MRPL22: variants seen among roughly 807,000 people sequenced by gnomAD.
MRPL22 encodes the protein mitochondrial ribosomal protein L22, also known as large ribosomal subunit protein uL22m.
MRPL22 carries 27 observed loss-of-function variants against 32.4 expected under a neutral mutation model. The observed-to-expected ratio is 0.83, with a 90% CI of 0.61 to 1.15. The LOEUF (loss-of-function observed/expected upper bound fraction) is 1.15, where lower values mean the gene tolerates loss of function less well. Among genes scored for constraint, MRPL22 ranks in the 50% most tolerant of loss-of-function variants. The pLI is 0.00. For synonymous variants in MRPL22, 86 were observed against 87.3 expected, an observed-to-expected ratio of 0.99 and a Z score of 0.08; for missense variants, 239 against 260.2, an observed-to-expected ratio of 0.92 and a Z score of 0.56.
At chr5:154,944,430 T>G (rs1764462050) in intron 2 of MRPL22, among the ~76,000 whole-genome samples, 1 of 152,196 alleles carries the variant, frequency 6.6e-6, no homozygotes, top group South Asian at 2.1e-4. Flanking sequence ...CCTCTTAAGC[T>G]TTCCTCAGTT....
In MRPL22 at chr5:154,956,445, C is replaced by T. The variant is rs1331135742; in HGVS notation, c.261+9C>T. 6.4e-7 allele frequency: 1 copy of T among 1,573,744 alleles called. No homozygotes were observed. Among genetic ancestry groups the T allele is most frequent in the Non-Finnish European group, 8.7e-7 (1 of 1,144,406 alleles). ...GGTATTTGGCAAAATTGGTAAGCTG[C>T]AATGACTATTACCATATAATTAATA... is the stretch of plus-strand genomic sequence containing the variant. On this transcript the variant is annotated intron_variant, in intron 4 of 6. Coordinates refer to ENST00000523037, the MANE Select transcript of MRPL22 (RefSeq NM_014180.4).
intron 2 of MRPL22, among the ~76,000 whole-genome samples, chr5:154,949,916 C>G (rs1764536644): frequency 6.6e-6 from 1 of 152,164 alleles, no homozygotes; most frequent in South Asian, 2.1e-4. Flanking sequence ...CCCCTTATTT[C>G]TCAACTCTGT....
chr5:154,943,767 G>A (rs904870330), intron 2 of MRPL22, among the ~76,000 whole-genome samples: 5 of 151,652 alleles, frequency 3.3e-5, no homozygotes, highest in Non-Finnish European at 7.4e-5. Context: ...CTCGATTCAA[G>A]CCATCTTCCC....
In MRPL22 at chr5:154,941,207, G is replaced by C. The variant is rs755372708; in HGVS notation, c.29-10G>C. ...GGAATCTGAGTTGACGGCTTGTGTT[G>C]ATGTTGCAGGTGCGTTATGGATACA... On this transcript the variant is annotated splice_polypyrimidine_tract_variant and intron_variant, in intron 1 of 6. Coordinates refer to ENST00000523037, the MANE Select transcript of MRPL22 (RefSeq NM_014180.4). 6.2e-7 allele frequency: 1 copy of C among 1,614,074 alleles called. No homozygotes were observed. The highest frequency in any genetic ancestry group is 1.7e-4 in the Middle Eastern group (1 of 5,978).
chr5:154,951,976 G>A (rs1236924290), intron 3 of MRPL22, among the ~76,000 whole-genome samples: 1 of 149,480 alleles, frequency 6.7e-6, no homozygotes, highest in African/African-American at 2.5e-5. Context: ...TCTGCCTCCC[G>A]GGTTCACGCC....
chr5:154,943,867 A>C (rs1369853556), intron 2 of MRPL22, among the ~76,000 whole-genome samples: 1 of 151,554 alleles, frequency 6.6e-6, no homozygotes. Flanking sequence ...GTCCTGTTAT[A>C]TTGCCCGGCT....
At chr5:154,941,747 A>G (rs1764419352) in intron 2 of MRPL22, among the ~76,000 whole-genome samples, 1 of 152,230 alleles carries the variant, frequency 6.6e-6, no homozygotes, top group Non-Finnish European at 1.5e-5. Flanking sequence ...CCCCAAACGT[A>G]AAATAACTTG....
intron 5 of MRPL22, 127 bp from the exon 6 acceptor site, chr5:154,959,853 C>CT: frequency 3.1e-6 from 2 of 653,088 alleles, no homozygotes; most frequent in Non-Finnish European, 5.2e-6. Flanking sequence ...TTGATATTGT[C>CT]TTTTTAAAAT....
chr5:154,947,057 A>G (rs1372756746), intron 2 of MRPL22, among the ~76,000 whole-genome samples: 1 of 152,198 alleles, frequency 6.6e-6, no homozygotes, highest in Non-Finnish European at 1.5e-5. Flanking sequence ...GTATTAAGTA[A>G]GTATTATTTT....
chr5:154,954,281 C>T (rs1764603442), intron 3 of MRPL22, among the ~76,000 whole-genome samples: 2 of 152,130 alleles, frequency 1.3e-5, no homozygotes, highest in African/African-American at 2.4e-5. Context: ...TGAGCCACAG[C>T]GCCTGGCCAG....
chr5:154,964,873 C>T (rs1336226930), intron 6 of MRPL22, among the ~76,000 whole-genome samples: 1 of 152,112 alleles, frequency 6.6e-6, no homozygotes, highest in Non-Finnish European at 1.5e-5. Flanking sequence ...GCAGCTATCA[C>T]ATTTGTAAAA....
At chr5:154,954,320 A>T (rs1324371895) in intron 3 of MRPL22, among the ~76,000 whole-genome samples, 1 of 152,202 alleles carries the variant, frequency 6.6e-6, no homozygotes. Flanking sequence ...CTTTTTCCTC[A>T]TTTGAATTAT....
At chr5:154,960,888 T>C (rs1170186397) in intron 6 of MRPL22, among the ~76,000 whole-genome samples, 1 of 152,200 alleles carries the variant, frequency 6.6e-6, no homozygotes, top group Non-Finnish European at 1.5e-5. Flanking sequence ...GAAGCAAAGT[T>C]TTCTCAATCT....
intron 2 of MRPL22, among the ~76,000 whole-genome samples, chr5:154,944,969 C>G (rs348752): frequency 0.17 from 25,856 of 152,158 alleles, 2,959 homozygotes; most frequent in African/African-American, 0.32. Flanking sequence ...GAGGAAGGGG[C>G]AGTCATAAAT....
chr5:154,942,764 A>G (rs1441524445), intron 2 of MRPL22, among the ~76,000 whole-genome samples: 1 of 152,186 alleles, frequency 6.6e-6, no homozygotes, highest in Non-Finnish European at 1.5e-5. Context: ...GCCCTTTACT[A>G]GCTTGTGTAT....
chr5:154,946,785 C>A (rs570944269), intron 2 of MRPL22, among the ~76,000 whole-genome samples: 1 of 152,186 alleles, frequency 6.6e-6, no homozygotes, highest in Non-Finnish European at 1.5e-5. Context: ...CGCACCATTG[C>A]ATTCCAGCCT....
At position 154,968,750 on chromosome 5, in the gene MRPL22, C is replaced by T. The variant is rs754201759; in HGVS notation, c.*1853C>T. On this transcript the variant is annotated 3_prime_UTR_variant, in exon 7 of 7. Coordinates refer to ENST00000523037, the MANE Select transcript of MRPL22 (RefSeq NM_014180.4). ...TAAAGCCAGGTGGTGCCATGGACAT[C>T]ATAAATATAAATTATGTAAGTGAAG... 2.0e-5 allele frequency: 3 copies of T among 152,096 alleles called. No homozygotes were observed. The highest frequency in any genetic ancestry group is 4.4e-5 in the Non-Finnish European group (3 of 68,042). The allele number at this position is 152,096 out of a possible 1,614,324, so 9.4% of individuals were successfully genotyped here.
intron 6 of MRPL22, among the ~76,000 whole-genome samples, chr5:154,963,927 A>C (rs1167024906): frequency 6.6e-6 from 1 of 152,146 alleles, no homozygotes; most frequent in Admixed American, 6.5e-5. Flanking sequence ...GTGGCCATAC[A>C]TGCAGAGGCA....
At chr5:154,958,460 T>C (rs1314592003) in intron 5 of MRPL22, among the ~76,000 whole-genome samples, 2 of 146,694 alleles carry the variant, frequency 1.4e-5, no homozygotes, top group African/African-American at 4.9e-5. Context: ...CAAGTGTTTG[T>C]TGTGTACCCA....
Sources: gnomAD v4.1 joint callset for allele counts (sites outside exome capture counted in the v4.1 genomes callset) on GRCh38, gnomAD v4.1.1 for gene constraint, MANE v1.5 for transcripts, NCBI Gene and HGNC (gene_info 2026-07-23, HGNC 2026-07-21) for gene names.